Variants in RGS6 observed in about 807,000 individuals in gnomAD.
RGS6 encodes the protein regulator of G-protein signaling 6.
A neutral mutation model predicts 78.5 loss-of-function variants in RGS6; 30 were observed. The ratio of observed to expected loss-of-function variants is 0.38; its 90% CI spans 0.29 to 0.52. The LOEUF (loss-of-function observed/expected upper bound fraction) is 0.52. RGS6 is among the 20% of genes least tolerant of loss of function. The pLI, the probability that RGS6 is intolerant of heterozygous loss-of-function variation, is 0.85. For synonymous variants in RGS6, 206 were observed against 206.0 expected, an observed-to-expected ratio of 1.00 and a Z score of 0.00; for missense variants, 495 against 609.7, an observed-to-expected ratio of 0.81 and a Z score of 1.98.
At chr14:72,443,447 C>T (rs1452346166) in intron 3 of RGS6, among the ~76,000 whole-genome samples, 1 of 152,218 alleles carries the variant, frequency 6.6e-6, no homozygotes, top group Non-Finnish European at 1.5e-5. Flanking sequence ...TCAGCACATG[C>T]TGTGGAAGTG....
intron 2 of RGS6, among the ~76,000 whole-genome samples, chr14:71,969,416 G>C (rs1167995797): frequency 6.6e-6 from 1 of 152,094 alleles, no homozygotes; most frequent in Non-Finnish European, 1.5e-5. Flanking sequence ...AACTAGACTG[G>C]TAATTTGATT....
intron 17 of RGS6, among the ~76,000 whole-genome samples, chr14:72,561,090 GTTGT>G (rs1215221624): frequency 6.6e-6 from 1 of 152,116 alleles, no homozygotes; most frequent in Non-Finnish European, 1.5e-5. Context: ...CACAGCCCGT[GTTGT>G]TTATTAGATA....
intron 17 of RGS6, among the ~76,000 whole-genome samples, chr14:72,543,408 A>C (rs749751261): frequency 2.0e-5 from 3 of 152,192 alleles, no homozygotes; most frequent in Admixed American, 6.5e-5. Context: ...CCCCCAATAC[A>C]TGGCCTCAGG....
intron 2 of RGS6, among the ~76,000 whole-genome samples, chr14:72,086,260 G>A (rs1480719000): frequency 3.3e-5 from 5 of 152,154 alleles, no homozygotes; most frequent in Non-Finnish European, 7.3e-5. Flanking sequence ...GTCCAGAGAC[G>A]TTTGCTCGAC....
At chr14:72,601,937 C>T in the RGS6 span, among the ~76,000 whole-genome samples, 1 of 152,246 alleles carries the variant, frequency 6.6e-6, no homozygotes, top group African/African-American at 2.4e-5. Flanking sequence ...ACTCTCATAG[C>T]ACAGTGTCTG....
intron 15 of RGS6, among the ~76,000 whole-genome samples, chr14:72,530,722 A>G: frequency 6.6e-6 from 1 of 152,156 alleles, no homozygotes; most frequent in East Asian, 1.9e-4. Context: ...ATTTAAAGAG[A>G]CAACAAATGA....
intron 2 of RGS6, among the ~76,000 whole-genome samples, chr14:72,253,538 T>A (rs944478075): frequency 2.0e-5 from 3 of 152,230 alleles, no homozygotes; most frequent in Non-Finnish European, 4.4e-5. Context: ...AACAAATAGG[T>A]ATGGCTATGT....
chr14:72,374,358 C>G (rs1417504078), intron 3 of RGS6, among the ~76,000 whole-genome samples: 2 of 151,894 alleles, frequency 1.3e-5, no homozygotes, highest in East Asian at 3.9e-4. Context: ...TCTGTCCCTG[C>G]AATAGTTTGC....
In RGS6 at chr14:72,470,013, T is replaced by A; in HGVS notation, c.466T>A (p.Leu156Ile). 12 of 1,612,606 alleles carry A rather than the reference T, an allele frequency of 7.4e-6. No homozygotes were observed. Among genetic ancestry groups the A allele is most frequent in the Non-Finnish European group, 1.0e-5 (12 of 1,178,950 alleles). Reference protein sequence around the residue: ...LELADYEAENLARLQRAFARK... With the variant: ...LELADYEAENIARLQRAFARK... Reference sequence around the variant, plus strand: ...GATTTTCATTTCTCATTAGGAAAACTTAGCAAGACTCCAGAGGGCCTTTGC... The same window carrying A: ...GATTTTCATTTCTCATTAGGAAAACATAGCAAGACTCCAGAGGGCCTTTGC... The change falls in exon 8 of 18, where the codon TTA becomes ATA. Residue 156 changes from leucine to isoleucine, a missense_variant. Coordinates refer to ENST00000553525, the MANE Select transcript of RGS6 (RefSeq NM_001204424.2).
chr14:72,600,641 G>T, the RGS6 span, among the ~76,000 whole-genome samples: 5 of 152,136 alleles, frequency 3.3e-5, no homozygotes, highest in South Asian at 6.2e-4. Flanking sequence ...CCCAGCCATG[G>T]TCTAGAGAAA....
At chr14:72,104,778 T>G (rs559463859) in intron 2 of RGS6, among the ~76,000 whole-genome samples, 2 of 152,312 alleles carry the variant, frequency 1.3e-5, no homozygotes, top group East Asian at 3.9e-4. Context: ...AATTTTACTG[T>G]GCAGGTAACT....
At chr14:72,318,731 C>A (rs771269876) in intron 2 of RGS6, among the ~76,000 whole-genome samples, 1 of 152,098 alleles carries the variant, frequency 6.6e-6, no homozygotes, top group South Asian at 2.1e-4. Flanking sequence ...CGCCAATAAG[C>A]CTTTGTTTGG....
At chr14:72,470,891 A>C (rs994316843) in intron 8 of RGS6, among the ~76,000 whole-genome samples, 6 of 151,736 alleles carry the variant, frequency 4.0e-5, no homozygotes, top group African/African-American at 1.5e-4. Flanking sequence ...AAAAAAAAAA[A>C]AAAAAACAAG....
intron 2 of RGS6, among the ~76,000 whole-genome samples, chr14:72,114,212 A>G (rs1315452142): frequency 6.6e-6 from 1 of 152,164 alleles, no homozygotes; most frequent in Non-Finnish European, 1.5e-5. Context: ...TCTGTCTATC[A>G]GCCTTGTCAG....
chr14:72,073,043 A>T (rs1288158509), intron 2 of RGS6, among the ~76,000 whole-genome samples: 4 of 152,218 alleles, frequency 2.6e-5, no homozygotes, highest in Admixed American at 1.3e-4. Flanking sequence ...GTCATTGATT[A>T]TGTGCGTGCC....
At chr14:72,174,808 G>T (rs901613085) in intron 2 of RGS6, among the ~76,000 whole-genome samples, 16 of 152,192 alleles carry the variant, frequency 1.1e-4, no homozygotes, top group African/African-American at 2.7e-4. Flanking sequence ...GTCTGAGGTC[G>T]CAGTGATGTC....
At chr14:72,352,611 G>A (rs1402702147) in intron 3 of RGS6, among the ~76,000 whole-genome samples, 1 of 152,130 alleles carries the variant, frequency 6.6e-6, no homozygotes, top group Admixed American at 6.5e-5. Context: ...TGAAAGAGAG[G>A]TTTTAAACTA....
intron 3 of RGS6, among the ~76,000 whole-genome samples, chr14:72,371,439 C>G (rs1050077040): frequency 6.6e-6 from 1 of 152,130 alleles, no homozygotes; most frequent in African/African-American, 2.4e-5. Context: ...CCTAATTGTA[C>G]TCTAAAATTT....
chr14:72,286,531 T>C (rs953540255), intron 2 of RGS6, among the ~76,000 whole-genome samples: 101 of 152,126 alleles, frequency 6.6e-4, no homozygotes, highest in Non-Finnish European at 1.1e-3. Flanking sequence ...TATTTTTTTT[T>C]TCTATTTCTG....
Sources: gnomAD v4.1 joint callset for allele counts (sites outside exome capture counted in the v4.1 genomes callset) on GRCh38, gnomAD v4.1.1 for gene constraint, MANE v1.5 for transcripts, NCBI Gene and HGNC (gene_info 2026-07-23, HGNC 2026-07-21) for gene names.